MAPRE2: variants seen among roughly 807,000 people sequenced by gnomAD.
MAPRE2 encodes the protein microtubule-associated protein RP/EB family member 2.
Under a neutral mutation model 43.2 loss-of-function variants are expected in MAPRE2, and 13 were observed. The observed-to-expected ratio is 0.30, with a 90% CI of 0.20 to 0.48. The LOEUF (loss-of-function observed/expected upper bound fraction) is 0.48. Among genes scored for constraint, MAPRE2 ranks in the 20% least tolerant of loss-of-function variants. The pLI is 0.99. For synonymous variants in MAPRE2, 135 were observed against 148.8 expected (o/e 0.91, Z 0.68); for missense variants, 161 against 400.2 (o/e 0.40, Z 5.10).
intron 6 of MAPRE2, among the ~76,000 whole-genome samples, chr18:35,136,339 C>T (rs1443016400): frequency 6.6e-6 from 1 of 152,140 alleles, no homozygotes; most frequent in Admixed American, 6.5e-5. Flanking sequence ...CACTGGAGGG[C>T]CTCTTGTCAC....
intron 2 of MAPRE2, among the ~76,000 whole-genome samples, chr18:35,096,767 A>G (rs543059455): frequency 3.6e-4 from 54 of 152,060 alleles, no homozygotes; most frequent in Non-Finnish European, 7.1e-4. Flanking sequence ...GGTAATAAGT[A>G]TAAGTAATAA....
intron 1 of MAPRE2, among the ~76,000 whole-genome samples, chr18:35,065,244 G>A (rs940614623): frequency 1.3e-5 from 2 of 151,702 alleles, no homozygotes; most frequent in African/African-American, 4.8e-5. Context: ...GTTGCAGTGA[G>A]CCAAGATCGC....
At chr18:35,006,088 T>C (rs888750730) in intron 2 of MAPRE2, among the ~76,000 whole-genome samples, 1 of 152,138 alleles carries the variant, frequency 6.6e-6, no homozygotes, top group Non-Finnish European at 1.5e-5. Flanking sequence ...TTTCGAACTA[T>C]TACTCTAAGT....
At chr18:35,096,272 G>C (rs554966745) in intron 2 of MAPRE2, among the ~76,000 whole-genome samples, 1 of 152,302 alleles carries the variant, frequency 6.6e-6, no homozygotes, top group Non-Finnish European at 1.5e-5. Flanking sequence ...ATCATAGAGA[G>C]AGACCAAGAG....
intron 1 of MAPRE2, among the ~76,000 whole-genome samples, chr18:34,985,453 C>CTA (rs2097019853): frequency 2.8e-5 from 1 of 35,800 alleles, no homozygotes; most frequent in Non-Finnish European, 4.4e-5. Context: ...ATTTATATAA[C>CTA]TATATTGTAT....
At chr18:34,989,983 C>T (rs1199607335) in intron 1 of MAPRE2, among the ~76,000 whole-genome samples, 2 of 152,176 alleles carry the variant, frequency 1.3e-5, no homozygotes, top group African/African-American at 4.8e-5. Context: ...TTTCATCCCC[C>T]TTGCATGGCA....
At chr18:35,045,227 ATGAGTCGTGCTC>A (rs1464700815) in intron 1 of MAPRE2, among the ~76,000 whole-genome samples, 1 of 152,234 alleles carries the variant, frequency 6.6e-6, no homozygotes, top group Admixed American at 6.5e-5. Flanking sequence ...CACAGAGCGA[ATGAGTCGTGCTC>A]TGGATCTCCC....
At chr18:34,985,322 A>AT (rs1272574994) in intron 1 of MAPRE2, among the ~76,000 whole-genome samples, 2 of 36,728 alleles carry the variant, frequency 5.4e-5, no homozygotes, top group Non-Finnish European at 9.2e-5. Flanking sequence ...TATATTATAT[A>AT]TATAATATAA....
At chr18:35,055,907 A>G (rs918964350) in intron 1 of MAPRE2, among the ~76,000 whole-genome samples, 1 of 151,710 alleles carries the variant, frequency 6.6e-6, no homozygotes, top group African/African-American at 2.4e-5. Context: ...GTGAGCCGAG[A>G]TCATGCAACT....
upstream of MAPRE2, among the ~76,000 whole-genome samples, chr18:35,038,249 C>T (rs2097051701): frequency 6.6e-6 from 1 of 152,224 alleles, no homozygotes; most frequent in South Asian, 2.1e-4. Flanking sequence ...ATCTCCTCCA[C>T]TTCCTGATTA....
chr18:35,022,263 A>G (rs895505745), intron 2 of MAPRE2, among the ~76,000 whole-genome samples: 2 of 152,222 alleles, frequency 1.3e-5, no homozygotes, highest in Non-Finnish European at 2.9e-5. Context: ...TACAAGAAGT[A>G]TAAGAAATAC....
chr18:35,084,283 TAATA>T (rs1004705139), intron 2 of MAPRE2, among the ~76,000 whole-genome samples: 41 of 152,106 alleles, frequency 2.7e-4, no homozygotes, highest in African/African-American at 8.0e-4. Flanking sequence ...CAAAAAAAAA[TAATA>T]AATAAAATAA....
intron 1 of MAPRE2, among the ~76,000 whole-genome samples, chr18:35,044,330 A>G (rs899387446): frequency 6.6e-6 from 1 of 152,232 alleles, no homozygotes; most frequent in African/African-American, 2.4e-5. Context: ...TCCCGGGTTC[A>G]AGAGATTCTC....
chr18:35,115,491 A>G (rs1447842717), intron 4 of MAPRE2, among the ~76,000 whole-genome samples: 2 of 152,140 alleles, frequency 1.3e-5, no homozygotes, highest in East Asian at 1.9e-4. Context: ...ACTGTACCCA[A>G]TATGTACTCT....
At chr18:34,989,008 C>A (rs1323985051) in intron 1 of MAPRE2, among the ~76,000 whole-genome samples, 1 of 152,094 alleles carries the variant, frequency 6.6e-6, no homozygotes, top group East Asian at 1.9e-4. Flanking sequence ...ATTGGAAGAG[C>A]CTGCACAGTC....
chr18:35,005,698 AAC>A, intron 2 of MAPRE2: 1 of 469,192 alleles, frequency 2.1e-6, no homozygotes, highest in Non-Finnish European at 3.8e-6. Context: ...GCTCTTTTAA[AAC>A]ACTATTTTTC....
At chr18:35,032,885 T>C (rs1438926852) in intron 2 of MAPRE2, among the ~76,000 whole-genome samples, 1 of 152,148 alleles carries the variant, frequency 6.6e-6, no homozygotes, top group Non-Finnish European at 1.5e-5. Context: ...TAACAGTTGG[T>C]CATTAATTAA....
At chr18:35,005,970 C>T (rs774169069) in intron 2 of MAPRE2, among the ~76,000 whole-genome samples, 4 of 152,020 alleles carry the variant, frequency 2.6e-5, no homozygotes, top group Non-Finnish European at 5.9e-5. Context: ...AGAGTGAGAG[C>T]GTGCGAGCGT....
At chr18:35,128,965 A>G (rs1910026385) in intron 5 of MAPRE2, among the ~76,000 whole-genome samples, 1 of 152,142 alleles carries the variant, frequency 6.6e-6, no homozygotes, top group Non-Finnish European at 1.5e-5. Flanking sequence ...CCCCATCCCC[A>G]GGGAACTCAG....
Sources: gnomAD v4.1 joint callset for allele counts (sites outside exome capture counted in the v4.1 genomes callset) on GRCh38, gnomAD v4.1.1 for gene constraint, MANE v1.5 for transcripts, NCBI Gene and HGNC (gene_info 2026-07-23, HGNC 2026-07-21) for gene names.